The following CTNNA3 variants were observed in gnomAD, a reference collection of about 807,000 sequenced individuals.
CTNNA3 encodes catenin alpha 3, also known as catenin alpha-3.
A neutral mutation model predicts 95.7 loss-of-function variants in CTNNA3; 76 were observed. That is an observed-to-expected ratio of 0.79 (90% CI 0.66 to 0.96). CTNNA3 has a LOEUF of 0.96. Among genes scored for constraint, CTNNA3 ranks in the 40% least tolerant of loss-of-function variants. CTNNA3 has a pLI of 0.00. For missense variants in CTNNA3, 1,191 were observed against 1,089.8 expected (o/e 1.09, Z -1.31); for synonymous variants, 431 against 374.4 (o/e 1.15, Z -1.74).
intron 7 of CTNNA3, among the ~76,000 whole-genome samples, chr10:67,018,194 A>G (rs1852779433): frequency 6.6e-6 from 1 of 152,198 alleles, no homozygotes; most frequent in South Asian, 2.1e-4. Flanking sequence ...ATAAATATGT[A>G]CTTTTCTGTA....
chr10:66,174,680 C>G (rs2085615082), intron 13 of CTNNA3, among the ~76,000 whole-genome samples: 1 of 151,868 alleles, frequency 6.6e-6, no homozygotes, highest in African/African-American at 2.4e-5. Flanking sequence ...TTTGAATATA[C>G]AGGTTCTGCA....
At chr10:65,992,976 C>T in intron 15 of CTNNA3, among the ~76,000 whole-genome samples, 1 of 151,772 alleles carries the variant, frequency 6.6e-6, no homozygotes, top group Middle Eastern at 3.2e-3. Context: ...GTTTGATTTC[C>T]TACTTAATTT....
At chr10:66,759,646 C>T (rs1023253986) in intron 9 of CTNNA3, among the ~76,000 whole-genome samples, 1 of 152,156 alleles carries the variant, frequency 6.6e-6, no homozygotes, top group African/African-American at 2.4e-5. Context: ...GACACTTCTG[C>T]TCTCAACTTG....
chr10:66,952,966 C>A (rs1848613948), intron 7 of CTNNA3, among the ~76,000 whole-genome samples: 1 of 151,978 alleles, frequency 6.6e-6, no homozygotes, highest in Non-Finnish European at 1.5e-5. Context: ...CCACAGAAGA[C>A]CTCCAAGTAG....
chr10:66,474,247 C>G (rs1007257292), intron 11 of CTNNA3, among the ~76,000 whole-genome samples: 1 of 152,052 alleles, frequency 6.6e-6, no homozygotes, highest in Non-Finnish European at 1.5e-5. Flanking sequence ...TAGCCTCTGG[C>G]AAACACTATG....
At chr10:67,547,217 A>C (rs1399629308) in intron 3 of CTNNA3, among the ~76,000 whole-genome samples, 1 of 152,148 alleles carries the variant, frequency 6.6e-6, no homozygotes, top group Admixed American at 6.6e-5. Flanking sequence ...CCTCCCCCCC[A>C]AAAAATACAA....
At chr10:66,732,220 G>A (rs1848985047) in intron 9 of CTNNA3, among the ~76,000 whole-genome samples, 1 of 152,128 alleles carries the variant, frequency 6.6e-6, no homozygotes, top group African/African-American at 2.4e-5. Context: ...ATTTATTCAG[G>A]AAATACACTG....
At chr10:67,336,143 C>T (rs1242788822) in intron 5 of CTNNA3, among the ~76,000 whole-genome samples, 1 of 152,164 alleles carries the variant, frequency 6.6e-6, no homozygotes, top group East Asian at 1.9e-4. Flanking sequence ...GTTCTGGCTG[C>T]TCCAATAACC....
At chr10:67,610,887 C>G (rs1457408448) in intron 2 of CTNNA3, among the ~76,000 whole-genome samples, 1 of 152,124 alleles carries the variant, frequency 6.6e-6, no homozygotes, top group Non-Finnish European at 1.5e-5. Flanking sequence ...CTTCAGGGGT[C>G]CCTCTCATAT....
chr10:67,738,791 G>T (rs144104092), intron 1 of CTNNA3, among the ~76,000 whole-genome samples: 1 of 152,036 alleles, frequency 6.6e-6, no homozygotes, highest in Non-Finnish European at 1.5e-5. Context: ...ACTACATAAC[G>T]AATGCACAAG....
intron 1 of CTNNA3, among the ~76,000 whole-genome samples, chr10:67,665,074 T>G (rs777154474): frequency 7.9e-5 from 12 of 152,220 alleles, no homozygotes; most frequent in Non-Finnish European, 1.2e-4. Flanking sequence ...TCAATCATTA[T>G]AGTAATAGCT....
chr10:66,335,206 G>T (rs1241156314), intron 12 of CTNNA3, among the ~76,000 whole-genome samples: 1 of 151,428 alleles, frequency 6.6e-6, no homozygotes, highest in Non-Finnish European at 1.5e-5. Context: ...TAGTTTGATT[G>T]TCTGAAGCTG....
intron 5 of CTNNA3, among the ~76,000 whole-genome samples, chr10:67,353,718 T>C (rs910197803): frequency 2.0e-5 from 3 of 151,924 alleles, no homozygotes; most frequent in Admixed American, 6.6e-5. Context: ...TTTTTAAAAA[T>C]AGTTTCAGCA....
intron 2 of CTNNA3, among the ~76,000 whole-genome samples, chr10:67,627,178 C>T (rs965239726): frequency 2.6e-5 from 4 of 152,206 alleles, no homozygotes; most frequent in Admixed American, 2.6e-4. Flanking sequence ...AATATGGCCC[C>T]ATCCTCCCTG....
At chr10:66,231,726 A>G (rs1247226071) in intron 13 of CTNNA3, among the ~76,000 whole-genome samples, 4 of 152,194 alleles carry the variant, frequency 2.6e-5, no homozygotes, top group Admixed American at 2.0e-4. Flanking sequence ...TTACTAGAGA[A>G]GCTAAATGCA....
At chr10:67,245,577 G>A (rs908544211) in intron 5 of CTNNA3, among the ~76,000 whole-genome samples, 4 of 152,092 alleles carry the variant, frequency 2.6e-5, no homozygotes, top group Admixed American at 2.6e-4. Context: ...CCAGAGAATT[G>A]GCCAGGTGCT....
chr10:67,072,185 C>T (rs965533522), intron 7 of CTNNA3, among the ~76,000 whole-genome samples: 2 of 152,182 alleles, frequency 1.3e-5, no homozygotes, highest in African/African-American at 4.8e-5. Context: ...AACTGCTGGC[C>T]TCAAGTGATC....
At chr10:67,158,275 A>T (rs942528521) in intron 7 of CTNNA3, among the ~76,000 whole-genome samples, 2 of 152,284 alleles carry the variant, frequency 1.3e-5, no homozygotes, top group Non-Finnish European at 2.9e-5. Context: ...CCAAAAAAAA[A>T]ATTATATAAT....
rs78886183 is a variant in CTNNA3 at position 66,994,661 on chromosome 10, C to A, written c.1047+185656G>T. On this transcript the variant is annotated intron_variant, in intron 7 of 17. Transcript: ENST00000433211. ...GTGAAAATTGCTGACAAAATCATGACTTACCACCAAACAGAATTTTCAACA... is the reference window on the plus strand; with the variant it reads ...GTGAAAATTGCTGACAAAATCATGAATTACCACCAAACAGAATTTTCAACA... 4.3e-3 allele frequency among the ~76,000 whole-genome samples: 655 copies of A among 152,244 alleles called. 5 individuals are homozygous for A. Among genetic ancestry groups the A allele is most frequent in the African/African-American group, 0.014 (573 of 41,552 alleles).
Sources: allele counts gnomAD v4.1 joint callset (sites outside exome capture counted in the v4.1 genomes callset), GRCh38; gene constraint gnomAD v4.1.1; transcripts MANE v1.5; gene names NCBI Gene and HGNC (gene_info 2026-07-23, HGNC 2026-07-21).